CEP295: variants seen among roughly 807,000 people sequenced by gnomAD.
CEP295 encodes centrosomal protein of 295 kDa.
CEP295 carries 190 observed loss-of-function variants against 291.6 expected under a neutral mutation model. The observed-to-expected ratio is 0.65, with a 90% CI of 0.58 to 0.73. The LOEUF is 0.73. Among genes scored for constraint, CEP295 ranks in the 30% least tolerant of loss-of-function variants. The pLI, the probability that CEP295 is intolerant of heterozygous loss-of-function variation, is 0.00. For missense variants in CEP295, 2,863 were observed against 2,949.4 expected, an observed-to-expected ratio of 0.97 and a Z score of 0.68; for synonymous variants, 993 against 1,038.8, an observed-to-expected ratio of 0.96 and a Z score of 0.85.
intron 1 of CEP295, among the ~76,000 whole-genome samples, chr11:93,665,637 G>A (rs1320797156): frequency 6.6e-6 from 1 of 152,222 alleles, no homozygotes; most frequent in Non-Finnish European, 1.5e-5. Context: ...GAACTCAGGA[G>A]ACGGAGGTTG....
intron 13 of CEP295, 117 bp downstream of exon 13, chr11:93,695,751 C>T (rs1951814969): frequency 4.9e-6 from 6 of 1,225,836 alleles, no homozygotes; most frequent in Middle Eastern, 2.2e-4. Context: ...TGGCTCATGC[C>T]TGTAATCTCA....
intron 5 of CEP295, among the ~76,000 whole-genome samples, chr11:93,671,258 A>AACCCTT (rs1950432812): frequency 6.6e-6 from 1 of 152,172 alleles, no homozygotes; most frequent in African/African-American, 2.4e-5. Context: ...GGTTGGGGTA[A>AACCCTT]TAATCAATGC....
At position 93,687,682 on chromosome 11, in the gene CEP295, G is replaced by A; in HGVS notation, c.1153G>A (p.Val385Ile). ...GAAGACCCAACAGATTCCTTCAAAA[G>A]TTCTTTTTAAAAAATTATTAAATAA... ...VMKTQQIPSK[V>I]LFKKLLNKIR... Residue 385 changes from valine to isoleucine, a missense_variant, in exon 10 of 30, where the codon GTT (valine) becomes ATT (isoleucine). This residue lies in a region of CEP295 where 554 missense variants were observed against 576.0 expected (regional missense o/e 0.96). Coordinates refer to ENST00000325212, the MANE Select transcript of CEP295 (RefSeq NM_033395.2). 6.5e-7 allele frequency: 1 copy of A among 1,541,086 alleles called. No homozygotes were observed. Among genetic ancestry groups the A allele is most frequent in the Non-Finnish European group, 8.8e-7 (1 of 1,139,748 alleles).
At position 93,728,676 on chromosome 11, in the gene CEP295, C is replaced by G. The variant is rs1291017126; in HGVS notation, c.7162-5C>G. On this transcript the variant is annotated splice_polypyrimidine_tract_variant and splice_region_variant and intron_variant, in intron 24 of 29. Coordinates refer to ENST00000325212, the MANE Select transcript of CEP295 (RefSeq NM_033395.2). Reference sequence around the variant, plus strand: ...CATGGTTTTCCTTTTAATTGTGGTTCACAGGAAACAGAAACTGGCCATGGT... The same window carrying G: ...CATGGTTTTCCTTTTAATTGTGGTTGACAGGAAACAGAAACTGGCCATGGT... 1 of 1,525,140 alleles carries G rather than the reference C, an allele frequency of 6.6e-7. No homozygotes were observed. The highest frequency in any genetic ancestry group is 1.4e-5 in the African/African-American group (1 of 71,502). 94.5% of individuals were successfully genotyped at this position (1,525,140 alleles called of 1,614,324 possible).
In CEP295 at chr11:93,729,645, G is replaced by A. The variant is rs775422672; in HGVS notation, c.7431G>A (p.Gly2477=). Residue 2477 remains glycine (G), a synonymous_variant, in exon 27 of 30, where the codon GGG becomes GGA. Transcript: ENST00000325212. ...ETPRRLTPVP[G]SLQEAFIKRK... ...CTCGCAGGCTTACACCTGTACCAGG[G>A]AGCTTACAAGAAGCATTTATAAAGA... is the stretch of plus-strand genomic sequence containing the variant. 6 of 1,550,622 alleles carry A rather than the reference G, an allele frequency of 3.9e-6. No individual in the cohort carries two copies. The highest frequency in any genetic ancestry group is 3.9e-5 in the Admixed American group (2 of 50,758).
At position 93,725,817 on chromosome 11, in the gene CEP295, A is replaced by G. The variant is rs1312725755; in HGVS notation, c.6485A>G (p.Glu2162Gly). The change falls in exon 23 of 30, where the codon GAA becomes GGA. Residue 2162 changes from glutamate to glycine, a missense_variant. By Grantham distance (98) the Glu-to-Gly change is moderately conservative. Coordinates refer to ENST00000325212, the MANE Select transcript of CEP295 (RefSeq NM_033395.2). The stretch of plus-strand genomic sequence containing the variant: ...GTTGGAGCTCACAGTTTTGCTACAG[A>G]AAATATTATTGGGGGTATGTATGAC... ...AHVGAHSFAT[E>G]NIIGGSEQCF... is the part of the protein sequence containing the mutation. The G allele has an allele frequency of 1.9e-6, 3 of 1,550,894 alleles. No individual in the cohort carries two copies. Among genetic ancestry groups the G allele is most frequent in the Non-Finnish European group, 2.6e-6 (3 of 1,146,780 alleles).
chr11:93,696,223 G>T, intron 13 of CEP295, 97 bp from the exon 14 acceptor site: 1 of 642,972 alleles, frequency 1.6e-6, no homozygotes, highest in Non-Finnish European at 2.6e-6. Flanking sequence ...AAAAAATAAA[G>T]CTGTATGGAA....
chr11:93,675,874 A>G (rs1291215808), intron 6 of CEP295, among the ~76,000 whole-genome samples: 1 of 152,084 alleles, frequency 6.6e-6, no homozygotes, highest in Non-Finnish European at 1.5e-5. Flanking sequence ...GGCTATTTAA[A>G]TGGTTATTTT....
intron 13 of CEP295, 79 bp from the exon 14 acceptor site, chr11:93,696,241 A>G: frequency 2.6e-6 from 2 of 782,316 alleles, no homozygotes; most frequent in Non-Finnish European, 4.1e-6. Flanking sequence ...GAAGTTTACA[A>G]TTATAGAACT....
intron 10 of CEP295, among the ~76,000 whole-genome samples, chr11:93,689,475 A>T (rs1357366141): frequency 6.6e-6 from 1 of 152,078 alleles, no homozygotes; most frequent in African/African-American, 2.4e-5. Context: ...AATCTTTTTG[A>T]CTAGACTTCT....
At chr11:93,676,993 A>G (rs1213220541) in intron 6 of CEP295, among the ~76,000 whole-genome samples, 3 of 152,116 alleles carry the variant, frequency 2.0e-5, no homozygotes, top group African/African-American at 7.2e-5. Context: ...GTACTGAATG[A>G]AGATATGATT....
intron 25 of CEP295, 126 bp from the exon 26 acceptor site, chr11:93,729,306 CTG>C (rs1408968395): frequency 4.4e-6 from 3 of 683,668 alleles, no homozygotes; most frequent in African/African-American, 1.8e-5. Context: ...TGGCGGGTCT[CTG>C]TAGACCCAGC....
chr11:93,696,183 T>G, intron 13 of CEP295, 137 bp from the exon 14 acceptor site: 2 of 592,258 alleles, frequency 3.4e-6, no homozygotes. Context: ...TTAGTTCATT[T>G]CTTACTAATG....
At chr11:93,695,751 C>A in intron 13 of CEP295, 117 bp downstream of exon 13, 1 of 1,225,834 alleles carries the variant, frequency 8.2e-7, no homozygotes, top group Non-Finnish European at 1.1e-6. Context: ...TGGCTCATGC[C>A]TGTAATCTCA....
At chr11:93,691,202 A>G (rs935105211) in intron 10 of CEP295, among the ~76,000 whole-genome samples, 8 of 152,246 alleles carry the variant, frequency 5.3e-5, no homozygotes, top group African/African-American at 1.7e-4. Context: ...AGTAGGTACC[A>G]AATGAATTAA....
At chr11:93,669,534 G>T in intron 4 of CEP295, 143 bp from the exon 5 acceptor site, 7 of 507,288 alleles carry the variant, frequency 1.4e-5, no homozygotes, top group Admixed American at 3.2e-5. Flanking sequence ...CATATGTATA[G>T]ACTCTTTACA....
chr11:93,695,463 G>T, intron 12 of CEP295, 34 bp from the exon 13 acceptor site: 1 of 1,349,242 alleles, frequency 7.4e-7, no homozygotes, highest in Non-Finnish European at 9.7e-7. Flanking sequence ...GTATGAGTTT[G>T]TTGTTAATAG....
rs1951082638 is a variant in CEP295 at position 93,683,651 on chromosome 11, A to G, written c.858A>G (p.Leu286=). The change falls in exon 8 of 30, where the codon CTA becomes CTG. Residue 286 remains leucine (L), a synonymous_variant. Coordinates refer to ENST00000325212, the MANE Select transcript of CEP295 (RefSeq NM_033395.2). The part of the protein sequence containing the change: ...RQTVAQMPPQ[L]VELPYKRSEM... The stretch of plus-strand genomic sequence containing the variant: ...CTGTAGCACAAATGCCACCACAACT[A>G]GTTGAACTTCCATACAAACGCAGTG... 6.5e-7 allele frequency: 1 copy of G among 1,550,116 alleles called. No homozygotes were observed. The highest frequency in any genetic ancestry group is 8.7e-7 in the Non-Finnish European group (1 of 1,146,644).
chr11:93,698,852 C>T lies in CEP295; in HGVS notation c.3940C>T (p.Pro1314Ser), dbSNP rs375928914. Residue 1314 changes from proline (P) to serine (S), a missense_variant, in exon 15 of 30, where the codon CCT (proline) becomes TCT (serine). Transcript: ENST00000325212. ...AGCTGAGTCTGGCACAATCCTGGAA[C>T]CTCTTTTTACAGAGAGTGAAAGTAA... The part of the protein sequence containing the change: ...ASAESGTILE[P>S]LFTESESKIF... 4 of 1,551,590 alleles carry T rather than the reference C, an allele frequency of 2.6e-6. No homozygotes were observed. Among genetic ancestry groups the T allele is most frequent in the East Asian group, 2.4e-5 (1 of 40,930 alleles).
Sources: gnomAD v4.1 joint callset for allele counts (sites outside exome capture counted in the v4.1 genomes callset) on GRCh38, gnomAD v4.1.1 for gene constraint, gnomAD v4.1.1 regional missense constraint, MANE v1.5 for transcripts, NCBI Gene and HGNC (gene_info 2026-07-23, HGNC 2026-07-21) for gene names.